SH3RF3: variants seen among roughly 807,000 people sequenced by gnomAD.
SH3RF3 encodes E3 ubiquitin-protein ligase SH3RF3.
A neutral mutation model predicts 66.3 loss-of-function variants in SH3RF3; 29 were observed. The observed-to-expected ratio is 0.44, with a 90% confidence interval of 0.33 to 0.60. The LOEUF is 0.60. Among genes scored for constraint, SH3RF3 ranks in the 20% least tolerant of loss-of-function variants. The pLI is 0.04. For synonymous variants in SH3RF3, 583 were observed against 532.0 expected (o/e 1.10, Z -1.32); for missense variants, 1,194 against 1,190.9 (o/e 1.00, Z -0.04).
chr2:109,281,394 C>T (rs1680889801), intron 1 of SH3RF3, among the ~76,000 whole-genome samples: 1 of 152,214 alleles, frequency 6.6e-6, no homozygotes, highest in Non-Finnish European at 1.5e-5. Context: ...AGGACTAGCT[C>T]TGCCGATGTG....
intron 8 of SH3RF3, among the ~76,000 whole-genome samples, chr2:109,474,671 G>A (rs896956328): frequency 1.3e-5 from 2 of 152,218 alleles, no homozygotes; most frequent in Non-Finnish European, 2.9e-5. Flanking sequence ...GGACAGCATC[G>A]GGCCAGCCCC....
At chr2:109,326,896 T>A (rs2105475956) in intron 1 of SH3RF3, among the ~76,000 whole-genome samples, 1 of 152,308 alleles carries the variant, frequency 6.6e-6, no homozygotes, top group East Asian at 1.9e-4. Context: ...GAGCAGGGGC[T>A]CACACCTGAG....
At chr2:109,241,611 C>A (rs1232148112) in intron 1 of SH3RF3, among the ~76,000 whole-genome samples, 1 of 152,102 alleles carries the variant, frequency 6.6e-6, no homozygotes, top group East Asian at 1.9e-4. Context: ...GTTCGGTCAG[C>A]TCTGCTGGGA....
At chr2:109,434,453 C>T (rs541097238) in intron 6 of SH3RF3, among the ~76,000 whole-genome samples, 5 of 152,220 alleles carry the variant, frequency 3.3e-5, no homozygotes, top group African/African-American at 1.2e-4. Context: ...AGCTTCCTTG[C>T]GTAGCATTGG....
chr2:109,488,484 A>C (rs142744447), intron 8 of SH3RF3, among the ~76,000 whole-genome samples: 1 of 152,138 alleles, frequency 6.6e-6, no homozygotes, highest in Non-Finnish European at 1.5e-5. Context: ...GCCCAGCTGC[A>C]GGGTCTCCCA....
At position 109,264,916 on chromosome 2, in the gene SH3RF3, A is replaced by G. The variant is rs1323452196; in HGVS notation, c.574-82758A>G. Among the ~76,000 whole-genome samples the G allele has an allele frequency of 2.0e-5, 3 of 152,336 alleles. No homozygotes were observed. In the East Asian group the frequency reaches 5.8e-4, roughly 29 times the overall value. ...AGACATCTCAGTCTGCCTTCCTAGC[A>G]TAATTCTTCTTGTAAGAAATGTAGG... On this transcript the variant is annotated intron_variant, in intron 1 of 9. Transcript: ENST00000309415.
chr2:109,151,206 C>G (rs901895441), intron 1 of SH3RF3, among the ~76,000 whole-genome samples: 1 of 152,170 alleles, frequency 6.6e-6, no homozygotes, highest in Non-Finnish European at 1.5e-5. Context: ...TCCAGTGGCC[C>G]AGGACACTGA....
intron 7 of SH3RF3, among the ~76,000 whole-genome samples, chr2:109,446,210 C>T (rs759304191): frequency 7.9e-5 from 12 of 152,198 alleles, no homozygotes; most frequent in Admixed American, 2.0e-4. Context: ...TGCTTTCTCA[C>T]GCTACAGTTT....
At chr2:109,136,055 A>G (rs1676807855) in intron 1 of SH3RF3, among the ~76,000 whole-genome samples, 1 of 152,134 alleles carries the variant, frequency 6.6e-6, no homozygotes, top group African/African-American at 2.4e-5. Flanking sequence ...GATGGAGCTG[A>G]GCAGAATTCT....
intron 8 of SH3RF3, among the ~76,000 whole-genome samples, chr2:109,476,418 G>A (rs961261129): frequency 6.6e-6 from 1 of 152,188 alleles, no homozygotes; most frequent in Non-Finnish European, 1.5e-5. Context: ...GAGGTACTGG[G>A]TAGCCCCAGG....
At chr2:109,185,874 A>G (rs2105001561) in intron 1 of SH3RF3, among the ~76,000 whole-genome samples, 1 of 152,340 alleles carries the variant, frequency 6.6e-6, no homozygotes, top group East Asian at 1.9e-4. Flanking sequence ...GTGCCTGTCA[A>G]AGGGGCCAAG....
At chr2:109,248,405 T>G (rs1320042677) in intron 1 of SH3RF3, among the ~76,000 whole-genome samples, 1 of 152,212 alleles carries the variant, frequency 6.6e-6, no homozygotes. Context: ...CGCTCTCATT[T>G]TTTTCCTTTT....
intron 1 of SH3RF3, among the ~76,000 whole-genome samples, chr2:109,190,019 A>G (rs1253171353): frequency 1.3e-5 from 2 of 152,232 alleles, no homozygotes; most frequent in African/African-American, 4.8e-5. Context: ...AAGTCTACAG[A>G]ACTAAAAAGG....
chr2:109,347,935 C>A lies in SH3RF3; in HGVS notation c.835C>A (p.Leu279Met). ...GGACAAAGACCAAGACAAGGACTGT[C>A]TGACCTTCACCAAGGTAAGGTGAGC... Reference protein sequence around the residue: ...MKDKDQDKDCLTFTKDEILTV... With the variant: ...MKDKDQDKDCMTFTKDEILTV... Residue 279 changes from leucine to methionine, a missense_variant, in exon 2 of 10, where the codon CTG (leucine) becomes ATG (methionine). Transcript: ENST00000309415. 6.2e-7 allele frequency: 1 copy of A among 1,604,678 alleles called. No individual in the cohort carries two copies. Among genetic ancestry groups the A allele is most frequent in the South Asian group, 1.1e-5 (1 of 89,080 alleles).
At chr2:109,409,744 C>T (rs1411293627) in intron 4 of SH3RF3, among the ~76,000 whole-genome samples, 1 of 150,104 alleles carries the variant, frequency 6.7e-6, no homozygotes, top group Non-Finnish European at 1.5e-5. Context: ...ACACAAGCTG[C>T]TTGCTCCTCT....
intron 1 of SH3RF3, among the ~76,000 whole-genome samples, chr2:109,131,915 T>C (rs1676705543): frequency 6.6e-6 from 1 of 152,236 alleles, no homozygotes; most frequent in African/African-American, 2.4e-5. Context: ...GTATTCACAC[T>C]ACACTAGCAC....
chr2:109,131,832 T>G (rs1337041017), intron 1 of SH3RF3, among the ~76,000 whole-genome samples: 2 of 152,176 alleles, frequency 1.3e-5, no homozygotes, highest in Non-Finnish European at 2.9e-5. Context: ...ACTTTTTGTG[T>G]TTTTGGGATG....
chr2:109,190,610 A>AATTACCACACTCCCATTGCAC, intron 1 of SH3RF3, among the ~76,000 whole-genome samples: 1 of 152,102 alleles, frequency 6.6e-6, no homozygotes, highest in East Asian at 1.9e-4. Context: ...TCCCATTGCA[A>AATTACCACACTCCCATTGCAC]CTAATTATAT....
intron 2 of SH3RF3, among the ~76,000 whole-genome samples, chr2:109,354,725 C>T (rs74640581): frequency 0.022 from 3,411 of 152,362 alleles, 61 homozygotes; most frequent in South Asian, 0.048. Flanking sequence ...AGGCGAGCGT[C>T]GGCACCCTGC....
Sources: allele counts gnomAD v4.1 joint callset (sites outside exome capture counted in the v4.1 genomes callset), GRCh38; gene constraint gnomAD v4.1.1; transcripts MANE v1.5; gene names NCBI Gene and HGNC (gene_info 2026-07-23, HGNC 2026-07-21).